EDARADD: variants seen among roughly 807,000 people sequenced by gnomAD.
EDARADD encodes the protein ectodysplasin-A receptor-associated adapter protein.
A neutral mutation model predicts 25.6 loss-of-function variants in EDARADD; 20 were observed. That is an observed-to-expected ratio of 0.78 (90% CI 0.55 to 1.14). The LOEUF is 1.14. Ranked by LOEUF, EDARADD falls within the 50% of genes most tolerant of loss-of-function variation. The probability of loss-of-function intolerance (pLI) is 0.00; values close to 1 mark genes in which losing one functional copy is unlikely to be tolerated. For synonymous variants in EDARADD, 86 were observed against 94.4 expected (o/e 0.91, Z 0.52); for missense variants, 225 against 270.1 (o/e 0.83, Z 1.17).
At chr1:236,370,627 G>T (rs1402346600) in intron 3 of EDARADD, among the ~76,000 whole-genome samples, 1 of 152,160 alleles carries the variant, frequency 6.6e-6, no homozygotes, top group Admixed American at 6.6e-5. Flanking sequence ...ACTCAAAGCT[G>T]TCTTCTTGCA....
At chr1:236,394,914 G>C (rs1323341934) in intron 1 of EDARADD, among the ~76,000 whole-genome samples, 1 of 152,228 alleles carries the variant, frequency 6.6e-6, no homozygotes, top group Non-Finnish European at 1.5e-5. Context: ...GAAGCTGTGA[G>C]TGTGTATTGG....
intron 5 of EDARADD, among the ~76,000 whole-genome samples, chr1:236,469,495 A>G (rs1659303450): frequency 6.6e-6 from 1 of 152,022 alleles, no homozygotes; most frequent in South Asian, 2.1e-4. Flanking sequence ...GCAAAATAAT[A>G]ATAATAATAA....
chr1:236,376,081 T>G (rs568235378), intron 3 of EDARADD, among the ~76,000 whole-genome samples: 12 of 151,646 alleles, frequency 7.9e-5, no homozygotes, highest in Admixed American at 2.0e-4. Context: ...ATTACAGGCA[T>G]GCACCACCAT....
At position 236,458,068 on chromosome 1, in the gene EDARADD, G is replaced by A. The variant is rs535536705; in HGVS notation, c.220-10163G>A. On this transcript the variant is annotated intron_variant, in intron 4 of 5. Coordinates refer to ENST00000334232, the MANE Select transcript of EDARADD (RefSeq NM_145861.4). ...TTCACTGAGACATTCGGATGGTGTG[G>A]GTGTCAGGGTGCAGCTCTCACACAT... Among the ~76,000 whole-genome samples, 42 of 152,248 alleles carry A rather than the reference G, an allele frequency of 2.8e-4. No homozygotes were observed. In the South Asian group the frequency reaches 7.9e-3, roughly 29 times the overall value.
chr1:236,475,933 G>A (rs778658343), intron 5 of EDARADD, among the ~76,000 whole-genome samples: 6 of 151,984 alleles, frequency 3.9e-5, no homozygotes, highest in Admixed American at 1.3e-4. Flanking sequence ...GCTCATGCCC[G>A]TAATCCTAGC....
chr1:236,442,718 G>C (rs640918), intron 4 of EDARADD, among the ~76,000 whole-genome samples: 1 of 152,238 alleles, frequency 6.6e-6, no homozygotes, highest in Non-Finnish European at 1.5e-5. Context: ...TTAAGACCTA[G>C]TGCTCAATAA....
At chr1:236,439,569 T>C (rs370776825) in intron 4 of EDARADD, among the ~76,000 whole-genome samples, 1 of 152,250 alleles carries the variant, frequency 6.6e-6, no homozygotes, top group African/African-American at 2.4e-5. Flanking sequence ...TGGTATCTTA[T>C]TGTTGTTTTA....
At chr1:236,373,378 G>A (rs978302654) in intron 3 of EDARADD, among the ~76,000 whole-genome samples, 1 of 152,042 alleles carries the variant, frequency 6.6e-6, no homozygotes, top group African/African-American at 2.4e-5. Flanking sequence ...GCCAATTTTT[G>A]TATTTTTAGT....
chr1:236,453,871 C>G (rs1331539410), intron 4 of EDARADD, among the ~76,000 whole-genome samples: 1 of 152,124 alleles, frequency 6.6e-6, no homozygotes, highest in Non-Finnish European at 1.5e-5. Flanking sequence ...TCTAACATGT[C>G]TCTCAAAAAT....
chr1:236,385,089 C>CTTTTT (rs34509027), intron 3 of EDARADD, among the ~76,000 whole-genome samples: 4 of 121,940 alleles, frequency 3.3e-5, no homozygotes, highest in East Asian at 2.3e-4. Context: ...CCTTTTGATT[C>CTTTTT]TTTTTTTTTT....
At chr1:236,405,920 T>TCTTTCTTTCTTC (rs1667724279) in intron 1 of EDARADD, among the ~76,000 whole-genome samples, 1 of 57,100 alleles carries the variant, frequency 1.8e-5, no homozygotes, top group African/African-American at 5.5e-5. Flanking sequence ...TTTCTTTCTT[T>TCTTTCTTTCTTC]CTTTCTCTTT....
chr1:236,366,952 CA>C (rs1301715746), intron 3 of EDARADD, among the ~76,000 whole-genome samples: 2 of 151,702 alleles, frequency 1.3e-5, no homozygotes, highest in Non-Finnish European at 2.9e-5. Context: ...TGGCACGCAC[CA>C]GTAGTCCCAG....
intron 4 of EDARADD, among the ~76,000 whole-genome samples, chr1:236,437,184 A>G (rs1215186809): frequency 6.6e-6 from 1 of 152,202 alleles, no homozygotes; most frequent in African/African-American, 2.4e-5. Flanking sequence ...AGCTCAGCAC[A>G]TATCCCTAAA....
At position 236,395,178 on chromosome 1, in the gene EDARADD, G is replaced by A. The variant is rs575245342; in HGVS notation, c.61+673G>A. 6.6e-6 allele frequency among the ~76,000 whole-genome samples: 1 copy of A among 152,354 alleles called. No homozygotes were observed. The highest frequency in any genetic ancestry group is 2.1e-4 in the South Asian group (1 of 4,834). Reference sequence around the variant, plus strand: ...AGGAAAGCGACCCGCGACTGCAGCCGTTTCTTAAGGCCAGTCCTTCGCTCG... The same window carrying A: ...AGGAAAGCGACCCGCGACTGCAGCCATTTCTTAAGGCCAGTCCTTCGCTCG... On this transcript the variant is annotated intron_variant, in intron 1 of 5. Transcript: ENST00000334232. This position sits in a 1 kb window ranked among gnomAD's most constrained non-coding sequence, Gnocchi z 6.9.
chr1:236,480,096 C>T (rs1380254468), intron 5 of EDARADD, among the ~76,000 whole-genome samples: 2 of 77,832 alleles, frequency 2.6e-5, no homozygotes. Flanking sequence ...TTAAGTATGC[C>T]ATATATATAT....
At chr1:236,427,798 A>C (rs1040828495) in intron 4 of EDARADD, among the ~76,000 whole-genome samples, 2 of 152,074 alleles carry the variant, frequency 1.3e-5, no homozygotes, top group African/African-American at 4.8e-5. Context: ...AGATACTCTA[A>C]TATAATACTT....
intron 1 of EDARADD, among the ~76,000 whole-genome samples, 181 bp from the exon 2 acceptor site, chr1:236,409,035 C>A (rs1002487216): frequency 1.0e-4 from 15 of 145,594 alleles, no homozygotes; most frequent in Non-Finnish European, 1.6e-4. Context: ...GGGATTACAG[C>A]ATGAGCTACC....
At chr1:236,393,391 C>CTTTTTTTTTTTTTTTTTTT (rs761525038), upstream of EDARADD, among the ~76,000 whole-genome samples, 130 of 87,202 alleles carry the variant, frequency 1.5e-3, 14 homozygotes, top group African/African-American at 5.5e-3. Flanking sequence ...TTCTTTCTTT[C>CTTTTTTTTTTTTTTTTTTT]TTTTTTTTTT....
At chr1:236,375,042 CTTCT>C (rs539186472) in intron 3 of EDARADD, among the ~76,000 whole-genome samples, 68 of 151,604 alleles carry the variant, frequency 4.5e-4, no homozygotes, top group Admixed American at 6.6e-4. Context: ...TCCATTTTCT[CTTCT>C]TTCTTAGTAT....
Sources: allele counts gnomAD v4.1 joint callset (sites outside exome capture counted in the v4.1 genomes callset), GRCh38; gene constraint gnomAD v4.1.1; non-coding constraint Gnocchi (gnomAD v3.1); transcripts MANE v1.5; gene names NCBI Gene and HGNC (gene_info 2026-07-23, HGNC 2026-07-21).